SMARCA1: variants seen among roughly 807,000 people sequenced by gnomAD.
SMARCA1 encodes the protein SWI/SNF-related matrix-associated actin-dependent regulator of chromatin subfamily A member 1.
A neutral mutation model predicts 93.6 loss-of-function variants in SMARCA1; 17 were observed. That is an observed-to-expected ratio of 0.18 (90% CI 0.12 to 0.27). SMARCA1 has a LOEUF of 0.27. Among genes scored for constraint, SMARCA1 ranks in the 10% least tolerant of loss-of-function variants. The pLI is 1.00. For missense variants in SMARCA1, 630 were observed against 819.0 expected, an observed-to-expected ratio of 0.77 and a Z score of 2.82; for synonymous variants, 271 against 271.4, an observed-to-expected ratio of 1.00 and a Z score of 0.01.
chrX:129,461,376 G>A (rs1932803769), intron 23 of SMARCA1, among the ~76,000 whole-genome samples: 2 of 111,775 alleles, frequency 1.8e-5, no homozygotes, highest in African/African-American at 3.3e-5. Flanking sequence ...GTACTTAGAA[G>A]GACCTAAGAA....
At chrX:129,472,135 T>C (rs1258580735) in intron 19 of SMARCA1, among the ~76,000 whole-genome samples, 3 of 112,011 alleles carry the variant, frequency 2.7e-5, no homozygotes, top group African/African-American at 9.7e-5. Flanking sequence ...ATAACCAATG[T>C]GGTTCAGCAG....
chrX:129,512,728 T>C (rs1370953786), intron 5 of SMARCA1, among the ~76,000 whole-genome samples: 1 of 112,019 alleles, frequency 8.9e-6, no homozygotes. Flanking sequence ...CTATCTGATA[T>C]GTCACTTAAT....
At position 129,523,420 on chromosome X, in the gene SMARCA1, C is replaced by G; in HGVS notation, c.-50G>C. The G allele has an allele frequency of 9.4e-7, 1 of 1,065,657 alleles. No homozygotes were observed. Among genetic ancestry groups the G allele is most frequent in the African/African-American group, 1.9e-5 (1 of 53,819 alleles). The allele number at this position is 1,065,657 out of a possible 1,213,427, so 87.8% of individuals were successfully genotyped here. On this transcript the variant is annotated 5_prime_UTR_variant, in exon 1 of 25. Coordinates refer to ENST00000371121, the MANE Select transcript of SMARCA1 (RefSeq NM_001282874.2). Reference sequence around the variant, plus strand: ...GGGACAAGGCAGGGGACGAGGGCTCCTGGGCGGCGGCAGTGGCTGCACTGG... The same window carrying G: ...GGGACAAGGCAGGGGACGAGGGCTCGTGGGCGGCGGCAGTGGCTGCACTGG...
chrX:129,469,522 G>A (rs892730524), intron 20 of SMARCA1, among the ~76,000 whole-genome samples: 1 of 111,963 alleles, frequency 8.9e-6, no homozygotes, highest in African/African-American at 3.2e-5. Flanking sequence ...TAGCATGTCT[G>A]TGAAGTCACA....
chrX:129,522,369 A>C (rs1935424221), intron 1 of SMARCA1, among the ~76,000 whole-genome samples: 1 of 108,645 alleles, frequency 9.2e-6, no homozygotes, highest in Admixed American at 9.8e-5. Flanking sequence ...GCCCACTAGG[A>C]GAGGGAGGCG....
At chrX:129,480,362 T>C (rs1410674185) in intron 19 of SMARCA1, among the ~76,000 whole-genome samples, 1 of 112,586 alleles carries the variant, frequency 8.9e-6, no homozygotes, top group Non-Finnish European at 1.9e-5. Flanking sequence ...ATCAAAAATT[T>C]CCTATCATAT....
At chrX:129,455,898 G>A (rs1211530130) in intron 23 of SMARCA1, among the ~76,000 whole-genome samples, 1 of 112,510 alleles carries the variant, frequency 8.9e-6, no homozygotes, top group African/African-American at 3.2e-5. Context: ...AGCAAGTGCT[G>A]ATGGAGAAGC....
chrX:129,470,706 T>C (rs1209836828), intron 20 of SMARCA1, among the ~76,000 whole-genome samples: 2 of 110,617 alleles, frequency 1.8e-5, no homozygotes, highest in South Asian at 3.9e-4. Context: ...CCATCTCTAC[T>C]AAAAACACAA....
At chrX:129,454,336 A>G (rs1394059155) in intron 23 of SMARCA1, among the ~76,000 whole-genome samples, 4 of 112,448 alleles carry the variant, frequency 3.6e-5, no homozygotes, top group Non-Finnish European at 7.5e-5. Context: ...AACCATAAAA[A>G]CCTTACAAGA....
chrX:129,502,742 G>A (rs1220210722), intron 9 of SMARCA1, among the ~76,000 whole-genome samples: 1 of 111,766 alleles, frequency 8.9e-6, no homozygotes, highest in Non-Finnish European at 1.9e-5. Flanking sequence ...ATGGGTACGT[G>A]TTTGGATTTG....
chrX:129,487,201 C>G, intron 16 of SMARCA1, 64 bp from the exon 17 acceptor site: 1 of 832,350 alleles, frequency 1.2e-6, no homozygotes, highest in African/African-American at 2.1e-5. Flanking sequence ...TCTGTGGATT[C>G]TCTACCTTTT....
At chrX:129,484,494 AG>A (rs753676833) in intron 17 of SMARCA1, among the ~76,000 whole-genome samples, 1 of 112,006 alleles carries the variant, frequency 8.9e-6, no homozygotes, top group African/African-American at 3.2e-5. Flanking sequence ...TACTAGCTAC[AG>A]TGCAAAACCA....
rs779239907 is a variant in SMARCA1 at position 129,511,993 on chromosome X, C to T, written c.631-10G>A. 1.7e-6 allele frequency: 2 copies of T among 1,151,101 alleles called. No homozygotes were observed. The highest frequency in any genetic ancestry group is 2.1e-5 in the South Asian group (1 of 47,559). The allele number at this position is 1,151,101 out of a possible 1,213,427, so 94.9% of individuals were successfully genotyped here. ...AAGTTTTCCCAAGGCCCTGCATTAT[C>T]ATCACAAGGAAAAAAATCCATGAAC... On this transcript the variant is annotated splice_polypyrimidine_tract_variant and intron_variant, in intron 5 of 24. Coordinates refer to ENST00000371121, the MANE Select transcript of SMARCA1 (RefSeq NM_001282874.2).
At chrX:129,504,549 T>TAAAAAAAAAAAAAAAAAA (rs780225300) in intron 9 of SMARCA1, among the ~76,000 whole-genome samples, 185 bp downstream of exon 9, 11 of 24,205 alleles carry the variant, frequency 4.5e-4, no homozygotes, top group African/African-American at 1.6e-3. Context: ...CATAGAGGAA[T>TAAAAAAAAAAAAAAAAAA]AAAAAAAAAA....
At chrX:129,495,805 T>C (rs1245092506) in intron 12 of SMARCA1, among the ~76,000 whole-genome samples, 2 of 106,360 alleles carry the variant, frequency 1.9e-5, no homozygotes, top group African/African-American at 6.9e-5. Context: ...AGTCTCATTA[T>C]GTCACCCAGG....
intron 19 of SMARCA1, among the ~76,000 whole-genome samples, chrX:129,474,277 T>C (rs1933273854): frequency 8.9e-6 from 1 of 112,028 alleles, no homozygotes; most frequent in Non-Finnish European, 1.9e-5. Context: ...ATTGCTGGTA[T>C]GTGAAATTAC....
chrX:129,488,400 G>C (rs1361115234), intron 16 of SMARCA1, among the ~76,000 whole-genome samples: 2 of 107,801 alleles, frequency 1.9e-5, no homozygotes, highest in African/African-American at 6.8e-5. Flanking sequence ...CTTGGGGCCA[G>C]AGGTTCAAGA....
At chrX:129,501,604 T>G (rs1277649603) in intron 9 of SMARCA1, among the ~76,000 whole-genome samples, 1 of 105,364 alleles carries the variant, frequency 9.5e-6, no homozygotes, top group Non-Finnish European at 2.0e-5. Flanking sequence ...CCCGCCAAAC[T>G]TTTTTTGGGG....
chrX:129,518,318 A>C (rs1201948587), intron 2 of SMARCA1, 43 bp downstream of exon 2: 10 of 770,441 alleles, frequency 1.3e-5, no homozygotes, highest in Non-Finnish European at 1.7e-5. Flanking sequence ...CAACTATAAA[A>C]ATTAATTACA....
Sources: allele counts gnomAD v4.1 joint callset (sites outside exome capture counted in the v4.1 genomes callset), GRCh38; gene constraint gnomAD v4.1.1; transcripts MANE v1.5; gene names NCBI Gene and HGNC (gene_info 2026-07-23, HGNC 2026-07-21).